Variants in BCAM observed in about 807,000 individuals in gnomAD.
BCAM encodes the protein basal cell adhesion molecule.
A neutral mutation model predicts 72.4 loss-of-function variants in BCAM; 61 were observed. That is an observed-to-expected ratio of 0.84 (90% CI 0.69 to 1.04). The LOEUF is 1.04. BCAM is among the 50% of genes least tolerant of loss of function. BCAM has a pLI of 0.00. For synonymous variants in BCAM, 408 were observed against 384.2 expected (o/e 1.06, Z -0.73); for missense variants, 909 against 895.0 (o/e 1.02, Z -0.20).
intron 8 of BCAM, among the ~76,000 whole-genome samples, chr19:44,817,457 A>G (rs1034862712): frequency 1.3e-5 from 2 of 152,114 alleles, no homozygotes; most frequent in Admixed American, 1.3e-4. Context: ...GGCACCCTCA[A>G]GAAGTTTGGC....
At chr19:44,820,863 G>C in intron 14 of BCAM, 41 bp downstream of exon 14, 7 of 1,542,906 alleles carry the variant, frequency 4.5e-6, no homozygotes, top group Non-Finnish European at 6.1e-6. Flanking sequence ...GGGACCTGCT[G>C]GGCAGTGGAG....
At position 44,812,155 on chromosome 19, in the gene BCAM, G is replaced by C. The variant is rs1360021220; in HGVS notation, c.205-8G>C. The C allele has an allele frequency of 1.3e-6, 2 of 1,593,918 alleles. No homozygotes were observed. The highest frequency in any genetic ancestry group is 1.8e-4 in the Middle Eastern group (1 of 5,610). On this transcript the variant is annotated splice_polypyrimidine_tract_variant and splice_region_variant and intron_variant, in intron 2 of 14. Transcript: ENST00000270233. The surrounding 1 kb of genome is among the most constrained non-coding windows in gnomAD (Gnocchi z 5.3). ...ACCCGGAGCTGAGAGCCTGCCCCGC[G>C]CCCACAGACCGACCGCTCGGGAGCT...
chr19:44,818,922 G>C lies in BCAM; in HGVS notation c.1336+40G>C. The C allele has an allele frequency of 6.2e-7, 1 of 1,605,762 alleles. No homozygotes were observed. The highest frequency in any genetic ancestry group is 1.1e-5 in the South Asian group (1 of 89,420). ...GAGGGGGTGGGCTTGGATGGGGACA[G>C]TGTGGGGTGTGGGACCTGGACAAAC... On this transcript the variant is annotated intron_variant, in intron 10 of 14. Transcript: ENST00000270233. This position sits in a 1 kb window ranked among gnomAD's most constrained non-coding sequence, Gnocchi z 4.6.
chr19:44,820,044 A>G, intron 13 of BCAM: 2 of 1,212,284 alleles, frequency 1.6e-6, no homozygotes, highest in Non-Finnish European at 2.1e-6. Flanking sequence ...GCTCAGCCTC[A>G]TCCCCAACTC....
Position 44,814,823 on chromosome 19 carries a change from C to T in BCAM, c.1078+63C>T, listed in dbSNP as rs762702491. 30 of 1,523,748 alleles carry T rather than the reference C, an allele frequency of 2.0e-5. No homozygotes were observed. The highest frequency in any genetic ancestry group is 1.1e-4 in the South Asian group (9 of 79,524). 94.4% of individuals were successfully genotyped at this position (1,523,748 alleles called of 1,614,324 possible). Reference sequence around the variant, plus strand: ...CTGGCATCAGTGCCTCTGCGCCCTCCTCCCTACAGCCCTGAAGTTGCTCTG... The same window carrying T: ...CTGGCATCAGTGCCTCTGCGCCCTCTTCCCTACAGCCCTGAAGTTGCTCTG... On this transcript the variant is annotated intron_variant, in intron 8 of 14. Coordinates refer to ENST00000270233, the MANE Select transcript of BCAM (RefSeq NM_005581.5). The surrounding 1 kb of genome is among the most constrained non-coding windows in gnomAD (Gnocchi z 4.6).
Position 44,809,222 on chromosome 19 carries a change from A to T in BCAM, c.82+16A>T. ...GCGCACCCAGGTATGGCTCGGGCTG[A>T]GGGCAAGGTGGGACTGGGGAGAGGC... On this transcript the variant is annotated intron_variant, in intron 1 of 14. Coordinates refer to ENST00000270233, the MANE Select transcript of BCAM (RefSeq NM_005581.5). 6.9e-7 allele frequency: 1 copy of T among 1,442,810 alleles called. No homozygotes were observed. The highest frequency in any genetic ancestry group is 9.1e-7 in the Non-Finnish European group (1 of 1,096,678). The allele number at this position is 1,442,810 out of a possible 1,614,324, so 89.4% of individuals were successfully genotyped here.
intron 1 of BCAM, among the ~76,000 whole-genome samples, chr19:44,810,535 G>A (rs995527080): frequency 1.3e-5 from 2 of 152,150 alleles, no homozygotes; most frequent in Non-Finnish European, 2.9e-5. Context: ...AAGAGACCCA[G>A]GGACTGAGTG....
Position 44,818,615 on chromosome 19 carries a change from C to T in BCAM, c.1172C>T (p.Thr391Ile). The T allele has an allele frequency of 6.2e-7, 1 of 1,614,000 alleles. No individual in the cohort carries two copies. ...AACTGCTCCGTGCACGGCCTGCCCA[C>T]CCCTGCCCTACGCTGGACCAAGGTG... ...VVNCSVHGLP[T>I]PALRWTKDST... is the part of the protein sequence containing the mutation. The change falls in exon 9 of 15, where the codon ACC becomes ATC. Residue 391 changes from threonine (T) to isoleucine (I), a missense_variant. Transcript: ENST00000270233. The surrounding 1 kb of genome is among the most constrained non-coding windows in gnomAD (Gnocchi z 4.6).
At position 44,818,929 on chromosome 19, in the gene BCAM, G is replaced by T. The variant is rs781130110; in HGVS notation, c.1336+47G>T. The T allele has an allele frequency of 5.0e-6, 8 of 1,604,570 alleles. No individual in the cohort carries two copies. Among genetic ancestry groups the T allele is most frequent in the Non-Finnish European group, 6.8e-6 (8 of 1,175,120 alleles). On this transcript the variant is annotated intron_variant, in intron 10 of 14. Coordinates refer to ENST00000270233, the MANE Select transcript of BCAM (RefSeq NM_005581.5). The surrounding 1 kb of genome is among the most constrained non-coding windows in gnomAD (Gnocchi z 4.6). ...TGGGCTTGGATGGGGACAGTGTGGG[G>T]TGTGGGACCTGGACAAACAGGACGA... is the stretch of plus-strand genomic sequence containing the variant.
In BCAM at chr19:44,812,555, C is replaced by T. The variant is rs778081061; in HGVS notation, c.504+7C>T. On this transcript the variant is annotated splice_region_variant and intron_variant, in intron 4 of 14. Coordinates refer to ENST00000270233, the MANE Select transcript of BCAM (RefSeq NM_005581.5). This position sits in a 1 kb window ranked among gnomAD's most constrained non-coding sequence, Gnocchi z 5.3. ...GGAGGACTCTGCCCAGGAGGTACCTCTCGGGTGGACCTTGGCCCCAGGGTC... is the reference window on the plus strand; with the variant it reads ...GGAGGACTCTGCCCAGGAGGTACCTTTCGGGTGGACCTTGGCCCCAGGGTC... 31 of 1,613,944 alleles carry T rather than the reference C, an allele frequency of 1.9e-5. No homozygotes were observed. Among genetic ancestry groups the T allele is most frequent in the Non-Finnish European group, 2.6e-5 (31 of 1,179,960 alleles).
rs767693680 is a variant in BCAM at position 44,812,463 on chromosome 19, A to C, written c.434-15A>C. On this transcript the variant is annotated splice_polypyrimidine_tract_variant and intron_variant, in intron 3 of 14. Transcript: ENST00000270233. This position sits in a 1 kb window ranked among gnomAD's most constrained non-coding sequence, Gnocchi z 5.3. The stretch of plus-strand genomic sequence containing the variant: ...CGCAGGGCAGGGGCTCCTGACGTGA[A>C]CGTCTTTTTCACAGCAAAGCCAGAG... 1.2e-5 allele frequency: 20 copies of C among 1,614,222 alleles called. No homozygotes were observed. The highest frequency in any genetic ancestry group is 1.7e-5 in the Non-Finnish European group (20 of 1,180,028).
In BCAM at chr19:44,821,254, C is replaced by T. The variant is rs908351111; in HGVS notation, c.*333C>T. The T allele has an allele frequency of 3.1e-5, 10 of 326,514 alleles. No homozygotes were observed. The highest frequency in any genetic ancestry group is 2.1e-4 in the African/African-American group (10 of 46,902). The allele number at this position is 326,514 out of a possible 1,614,324, so 20.2% of individuals were successfully genotyped here. ...GGCCGGAGCTATTTTTACCTCCCGCCTCCCCTGCTGGTCCCCCCACCTGAC... is the reference window on the plus strand; with the variant it reads ...GGCCGGAGCTATTTTTACCTCCCGCTTCCCCTGCTGGTCCCCCCACCTGAC... On this transcript the variant is annotated 3_prime_UTR_variant, in exon 15 of 15. Transcript: ENST00000270233.
At chr19:44,816,920 CAG>C (rs1027163328) in intron 8 of BCAM, among the ~76,000 whole-genome samples, 2 of 150,136 alleles carry the variant, frequency 1.3e-5, no homozygotes, top group Non-Finnish European at 3.0e-5. Context: ...GCCTGGGTGA[CAG>C]AGCAAGAGTC....
intron 13 of BCAM, chr19:44,819,978 C>T: frequency 1.5e-6 from 2 of 1,341,580 alleles, no homozygotes; most frequent in Non-Finnish European, 9.5e-7. Flanking sequence ...TCCCCAAACC[C>T]ATCCCCAAGC....
In BCAM at chr19:44,819,506, G is replaced by A. The variant is rs1315238333; in HGVS notation, c.1618+16G>A. The A allele has an allele frequency of 1.2e-6, 2 of 1,613,696 alleles. No individual in the cohort carries two copies. Among genetic ancestry groups the A allele is most frequent in the African/African-American group, 1.3e-5 (1 of 74,886 alleles). On this transcript the variant is annotated intron_variant, in intron 12 of 14. Transcript: ENST00000270233. The stretch of plus-strand genomic sequence containing the variant: ...TTCGGCACCGGTGAGTGACTGAGGT[G>A]GTGGCAGAGGAGCCGGGTGTGGGGC...
Position 44,818,930 on chromosome 19 carries a change from T to A in BCAM, c.1336+48T>A, listed in dbSNP as rs1401791342. The A allele has an allele frequency of 6.2e-7, 1 of 1,603,684 alleles. No homozygotes were observed. The highest frequency in any genetic ancestry group is 8.5e-7 in the Non-Finnish European group (1 of 1,174,752). On this transcript the variant is annotated intron_variant, in intron 10 of 14. Transcript: ENST00000270233. The surrounding 1 kb of genome is among the most constrained non-coding windows in gnomAD (Gnocchi z 4.6). ...GGGCTTGGATGGGGACAGTGTGGGG[T>A]GTGGGACCTGGACAAACAGGACGAG...
chr19:44,811,492 G>A, intron 2 of BCAM, 146 bp downstream of exon 2: 1 of 1,395,964 alleles, frequency 7.2e-7, no homozygotes, highest in Non-Finnish European at 9.8e-7. Context: ...CTGAGGGGAA[G>A]GGATCTGCAA....
chr19:44,819,912 GCCATCCCCAACTCATCC>G, intron 13 of BCAM, 186 bp downstream of exon 13: 1 of 1,309,612 alleles, frequency 7.6e-7, no homozygotes, highest in Non-Finnish European at 9.6e-7. Context: ...CTAATCCACA[GCCATCCCCAACTCATCC>G]TCATCCCCAA....
chr19:44,815,236 C>G (rs149580320), intron 8 of BCAM, among the ~76,000 whole-genome samples: 1 of 152,270 alleles, frequency 6.6e-6, no homozygotes, highest in South Asian at 2.1e-4. Context: ...CCTCTGGTTC[C>G]TACCTTCACT....
Sources: allele counts gnomAD v4.1 joint callset (sites outside exome capture counted in the v4.1 genomes callset), GRCh38; gene constraint gnomAD v4.1.1; non-coding constraint Gnocchi (gnomAD v3.1); transcripts MANE v1.5; gene names NCBI Gene and HGNC (gene_info 2026-07-23, HGNC 2026-07-21).